PPP1R7: variants seen among roughly 807,000 people sequenced by gnomAD.
PPP1R7 encodes protein phosphatase 1 regulatory subunit 22.
In PPP1R7, 18 loss-of-function variants were observed where a neutral mutation model predicts 45.2. The ratio of observed to expected loss-of-function variants is 0.40; its 90% CI spans 0.28 to 0.59. The LOEUF is 0.59. PPP1R7 is among the 20% of genes least tolerant of loss of function. The pLI is 0.46. For missense variants in PPP1R7, 314 were observed against 455.8 expected (o/e 0.69, Z 2.83); for synonymous variants, 181 against 183.4 (o/e 0.99, Z 0.11).
intron 2 of PPP1R7, among the ~76,000 whole-genome samples, chr2:241,154,179 C>CAAAAAAAAAAAAAAAAAAAAAAAA (rs1167747738): frequency 2.0e-5 from 1 of 50,492 alleles, no homozygotes; most frequent in Non-Finnish European, 3.8e-5. Flanking sequence ...TACTCCTTCT[C>CAAAAAAAAAAAAAAAAAAAAAAAA]AAAAAAAAAA....
chr2:241,175,699 A>T (rs1183027606), intron 9 of PPP1R7, among the ~76,000 whole-genome samples: 3 of 152,058 alleles, frequency 2.0e-5, no homozygotes, highest in African/African-American at 7.2e-5. Flanking sequence ...AGTTCAAGTG[A>T]TCCTCCCACC....
At chr2:241,177,922 A>G (rs1263194644) in intron 9 of PPP1R7, among the ~76,000 whole-genome samples, 1 of 152,246 alleles carries the variant, frequency 6.6e-6, no homozygotes, top group African/African-American at 2.4e-5. Context: ...GGACCCTCCC[A>G]GATGCTCTGT....
intron 6 of PPP1R7, among the ~76,000 whole-genome samples, chr2:241,162,206 G>T (rs1008714076): frequency 6.6e-6 from 1 of 152,132 alleles, no homozygotes; most frequent in Non-Finnish European, 1.5e-5. Context: ...ACAAATTAAT[G>T]CAGGCTACAG....
At chr2:241,170,668 C>T (rs1223322362) in intron 9 of PPP1R7, among the ~76,000 whole-genome samples, 1 of 152,220 alleles carries the variant, frequency 6.6e-6, no homozygotes, top group African/African-American at 2.4e-5. Context: ...TCTCCTCTAG[C>T]CGTGCTGCTG....
chr2:241,151,037 G>T (rs1275324387), intron 1 of PPP1R7, among the ~76,000 whole-genome samples: 1 of 152,190 alleles, frequency 6.6e-6, no homozygotes, highest in Non-Finnish European at 1.5e-5. Context: ...GTTACACAAG[G>T]TGATACCTGT....
chr2:241,149,695 C>A (rs3806600), upstream of PPP1R7: 11,723 of 1,550,920 alleles, frequency 7.6e-3, 392 homozygotes, highest in East Asian at 0.095. Context: ...CCTCCCGACT[C>A]GCGATCAAAA....
chr2:241,158,677 T>G, intron 4 of PPP1R7, 128 bp downstream of exon 4: 1 of 850,872 alleles, frequency 1.2e-6, no homozygotes, highest in East Asian at 2.5e-5. Context: ...GCCTCCACCT[T>G]GTAGCAGGCC....
intron 6 of PPP1R7, among the ~76,000 whole-genome samples, chr2:241,162,164 T>C (rs2067607924): frequency 6.6e-6 from 1 of 152,172 alleles, no homozygotes; most frequent in Non-Finnish European, 1.5e-5. Context: ...AGTGTCTCAC[T>C]ATGGAACTTT....
At chr2:241,159,389 TG>T (rs2067533768) in intron 5 of PPP1R7, 46 bp downstream of exon 5, 1 of 1,602,896 alleles carries the variant, frequency 6.2e-7, no homozygotes, top group Non-Finnish European at 8.5e-7. Flanking sequence ...GGAAGGCCAC[TG>T]GGTGGGGGGT....
intron 1 of PPP1R7, among the ~76,000 whole-genome samples, chr2:241,150,796 CG>C (rs2067258422): frequency 6.6e-6 from 1 of 152,122 alleles, no homozygotes; most frequent in Non-Finnish European, 1.5e-5. Context: ...GAGGCCAGGC[CG>C]GGGGTGGGGC....
rs566847575 is a variant in PPP1R7, at chr2:241,178,762, C to T, written c.907-3885C>T. Among the ~76,000 whole-genome samples, 3 of 75,598 alleles carry T rather than the reference C, an allele frequency of 4.0e-5. No individual in the cohort carries two copies. In the East Asian group the frequency reaches 1.2e-3, roughly 29 times the overall value. The allele number at this position is 75,598 out of a possible 152,430, so 49.6% of individuals were successfully genotyped here. On this transcript the variant is annotated intron_variant, in intron 9 of 9. Coordinates refer to ENST00000234038, the MANE Select transcript of PPP1R7 (RefSeq NM_002712.3). ...CTCAGCCTCCCGAGTAGCTCACCATCCCCACGGACAGCTCTCGATGTGGCC... is the reference window on the plus strand; with the variant it reads ...CTCAGCCTCCCGAGTAGCTCACCATTCCCACGGACAGCTCTCGATGTGGCC...
chr2:241,169,698 C>A, intron 8 of PPP1R7, 83 bp from the exon 9 acceptor site: 1 of 1,169,296 alleles, frequency 8.6e-7, no homozygotes, highest in Non-Finnish European at 1.3e-6. Flanking sequence ...GCCCTAAGGT[C>A]AGCACTTGAC....
intron 4 of PPP1R7, 23 bp from the exon 5 acceptor site, chr2:241,159,190 T>C (rs960234776): frequency 2.5e-6 from 4 of 1,610,954 alleles, no homozygotes; most frequent in African/African-American, 2.7e-5. Flanking sequence ...CCTGTGTCAA[T>C]TGTCCCTTTT....
At chr2:241,169,202 G>A (rs1404131087) in intron 8 of PPP1R7, among the ~76,000 whole-genome samples, 1 of 152,202 alleles carries the variant, frequency 6.6e-6, no homozygotes, top group Non-Finnish European at 1.5e-5. Flanking sequence ...TCCCTTCTCT[G>A]CACTTATGCT....
At position 241,153,505 on chromosome 2, in the gene PPP1R7, G is replaced by A. The variant is rs758043363; in HGVS notation, c.82G>A (p.Gly28Ser). The change falls in exon 2 of 10, where the codon GGC (glycine) becomes AGC (serine). Residue 28 changes from glycine to serine, a missense_variant. Gly to Ser is a moderately conservative substitution (Grantham distance 56). Around this residue, in one of 3 missense-constraint regions of PPP1R7, gnomAD observed 112 missense variants for 144.5 expected, o/e 0.78. Coordinates refer to ENST00000234038, the MANE Select transcript of PPP1R7 (RefSeq NM_002712.3). ...VDRRVESEES[G>S]DEEGKKHSSG... ...CAGGCGGGTCGAGTCTGAAGAATCCGGCGATGAAGAAGGGAAGAAACACAG... is the reference window on the plus strand; with the variant it reads ...CAGGCGGGTCGAGTCTGAAGAATCCAGCGATGAAGAAGGGAAGAAACACAG... The A allele has an allele frequency of 1.1e-5, 17 of 1,614,064 alleles. No individual in the cohort carries two copies. The highest frequency in any genetic ancestry group is 1.6e-4 in the Middle Eastern group (1 of 6,084).
intron 9 of PPP1R7, among the ~76,000 whole-genome samples, chr2:241,174,435 A>T (rs2067873963): frequency 1.3e-5 from 2 of 152,014 alleles, no homozygotes; most frequent in African/African-American, 4.8e-5. Flanking sequence ...TTCCCTACAT[A>T]GCTCACTCCT....
intron 9 of PPP1R7, among the ~76,000 whole-genome samples, chr2:241,173,629 A>G (rs1418358527): frequency 2.0e-5 from 3 of 152,040 alleles, no homozygotes; most frequent in African/African-American, 2.4e-5. Context: ...TCTGGAGACT[A>G]TTTTCTCTAA....
At chr2:241,151,572 C>T (rs1348149235) in intron 1 of PPP1R7, 1 of 471,072 alleles carries the variant, frequency 2.1e-6, no homozygotes, top group Non-Finnish European at 4.4e-6. Flanking sequence ...AGAGTTTGAC[C>T]AAATCGTATG....
intron 6 of PPP1R7, among the ~76,000 whole-genome samples, chr2:241,162,337 T>C (rs1282188645): frequency 6.6e-6 from 1 of 152,150 alleles, no homozygotes; most frequent in Non-Finnish European, 1.5e-5. Context: ...TTGTGTCTGC[T>C]GAAATATTTA....
Sources: gnomAD v4.1 joint callset for allele counts (sites outside exome capture counted in the v4.1 genomes callset) on GRCh38, gnomAD v4.1.1 for gene constraint, gnomAD v4.1.1 regional missense constraint, MANE v1.5 for transcripts, NCBI Gene and HGNC (gene_info 2026-07-23, HGNC 2026-07-21) for gene names.